The following ATL1 variants were observed in gnomAD, a reference collection of about 807,000 sequenced individuals.
ATL1 encodes atlastin GTPase 1.
In ATL1, 31 loss-of-function variants were observed where a neutral mutation model predicts 75.5. The ratio of observed to expected loss-of-function variants is 0.41; its 90% CI spans 0.31 to 0.55. ATL1 has a LOEUF of 0.55. ATL1 is among the 20% of genes least tolerant of loss of function. The pLI is 0.27. For synonymous variants in ATL1, 226 were observed against 233.3 expected, an observed-to-expected ratio of 0.97 and a Z score of 0.28; for missense variants, 405 against 662.6, an observed-to-expected ratio of 0.61 and a Z score of 4.27.
chr14:50,606,098 A>G (rs1250398719), intron 6 of ATL1, among the ~76,000 whole-genome samples: 1 of 152,000 alleles, frequency 6.6e-6, no homozygotes, highest in East Asian at 1.9e-4. Flanking sequence ...AAATGCAAGG[A>G]GGGCAGGTTT....
chr14:50,584,724 T>C (rs991176821), intron 1 of ATL1, among the ~76,000 whole-genome samples: 1 of 150,230 alleles, frequency 6.7e-6, no homozygotes, highest in Non-Finnish European at 1.5e-5. Context: ...AATAAATAAA[T>C]AAATAAAAAA....
chr14:50,587,833 G>C lies in ATL1; in HGVS notation c.37G>C (p.Gly13Arg). 6.2e-7 allele frequency: 1 copy of C among 1,614,150 alleles called. No individual in the cohort carries two copies. The highest frequency in any genetic ancestry group is 1.3e-5 in the African/African-American group (1 of 75,034). Reference sequence around the variant, plus strand: ...CCAGTCACTGCTCTGTTCAACAGGTGGATTTTCGGAAAAGACATATGAATG... The same window carrying C: ...CCAGTCACTGCTCTGTTCAACAGGTCGATTTTCGGAAAAGACATATGAATG... ...KNRRDRNSWG[G>R]FSEKTYEWSS... The change falls in exon 2 of 14, where the codon GGA (glycine) becomes CGA (arginine). Residue 13 changes from glycine (G) to arginine (R), a missense_variant and splice_region_variant. Physicochemically the swap from Gly to Arg is moderately radical, Grantham distance 125. Transcript: ENST00000358385.
chr14:50,550,552 C>T (rs1364461248), intron 1 of ATL1, among the ~76,000 whole-genome samples: 2 of 152,206 alleles, frequency 1.3e-5, no homozygotes, highest in African/African-American at 2.4e-5. Context: ...ACTGGTTCAA[C>T]AGCACCAATA....
In ATL1 at chr14:50,632,518, C is replaced by A. The variant is rs1218503809; in HGVS notation, c.*179C>A. ...TGTTTAATAAGCAGATGTATGTATG[C>A]ATGGTTATACTATTTTGTTAACATG... On this transcript the variant is annotated 3_prime_UTR_variant, in exon 14 of 14. Transcript: ENST00000358385. 1 of 509,460 alleles carries A rather than the reference C, an allele frequency of 2.0e-6. No individual in the cohort carries two copies. Among genetic ancestry groups the A allele is most frequent in the East Asian group, 3.7e-5 (1 of 27,208 alleles). 31.6% of individuals were successfully genotyped at this position (509,460 alleles called of 1,614,324 possible).
intron 13 of ATL1, chr14:50,630,828 T>C: frequency 1.1e-5 from 4 of 358,462 alleles, no homozygotes; most frequent in South Asian, 8.5e-5. Context: ...GCTTTGTAAA[T>C]CAAAGCTTAA....
At position 50,628,257 on chromosome 14, in the gene ATL1, C is replaced by T. The variant is rs1402672430; in HGVS notation, c.1346C>T (p.Ala449Val). The T allele has an allele frequency of 6.2e-7, 1 of 1,614,158 alleles. No individual in the cohort carries two copies. The highest frequency in any genetic ancestry group is 8.5e-7 in the Non-Finnish European group (1 of 1,180,028). Residue 449 changes from alanine to valine, a missense_variant, in exon 12 of 14, where the codon GCC becomes GTC. By Grantham distance (64) the Ala-to-Val change is moderately conservative. Coordinates refer to ENST00000358385, the MANE Select transcript of ATL1 (RefSeq NM_015915.5). ...KNIFHAARTPATLFVVIFITY... is the reference protein window; with the variant it reads ...KNIFHAARTPVTLFVVIFITY... ...ATCTTCCATGCAGCTCGTACCCCAG[C>T]CACACTGTTTGTAGTCATCTTTATC...
At chr14:50,565,214 TG>T (rs1355144609) in intron 1 of ATL1, among the ~76,000 whole-genome samples, 1 of 151,916 alleles carries the variant, frequency 6.6e-6, no homozygotes, top group Non-Finnish European at 1.5e-5. Flanking sequence ...GGTGTGAACC[TG>T]GGAGGCAGAG....
chr14:50,574,370 C>T lies in ATL1; in HGVS notation c.35-13461C>T, dbSNP rs184246648. 1.9e-3 allele frequency among the ~76,000 whole-genome samples: 293 copies of T among 152,298 alleles called. 4 individuals are homozygous for T. The highest frequency in any genetic ancestry group is 0.011 in the Admixed American group (166 of 15,298). ...CACTGGCAAAATCTAAACAAGAGCT[C>T]TCCCAAGAAAGGATTGCAAGAATTG... On this transcript the variant is annotated intron_variant, in intron 1 of 13. Transcript: ENST00000358385.
chr14:50,601,080 C>T (rs1049529836), intron 6 of ATL1, among the ~76,000 whole-genome samples: 8 of 152,074 alleles, frequency 5.3e-5, no homozygotes, highest in African/African-American at 1.9e-4. Flanking sequence ...TGCACTCCAG[C>T]CTGGGCAACA....
intron 1 of ATL1, among the ~76,000 whole-genome samples, chr14:50,563,980 G>C (rs763689705): frequency 2.0e-4 from 30 of 152,130 alleles, no homozygotes; most frequent in Non-Finnish European, 3.7e-4. Flanking sequence ...TTCAAATTCA[G>C]AGTTGTTTGC....
At chr14:50,586,944 T>C (rs2039107860) in intron 1 of ATL1, among the ~76,000 whole-genome samples, 1 of 152,228 alleles carries the variant, frequency 6.6e-6, no homozygotes, top group Admixed American at 6.5e-5. Context: ...ATGAGAAAGA[T>C]ATAGAAATCC....
chr14:50,587,113 A>G (rs1435814012), intron 1 of ATL1, among the ~76,000 whole-genome samples: 1 of 152,118 alleles, frequency 6.6e-6, no homozygotes, highest in Non-Finnish European at 1.5e-5. Flanking sequence ...TTCTTCCTAT[A>G]TATGTTCAGC....
intron 1 of ATL1, among the ~76,000 whole-genome samples, chr14:50,565,587 TTCCCTGCATC>T (rs2038896359): frequency 6.6e-6 from 1 of 152,214 alleles, no homozygotes; most frequent in Non-Finnish European, 1.5e-5. Flanking sequence ...TTAAGTTGCC[TTCCCTGCATC>T]TTTTCAAATG....
upstream of ATL1, among the ~76,000 whole-genome samples, chr14:50,557,777 T>C (rs2038782105): frequency 6.6e-6 from 1 of 152,224 alleles, no homozygotes; most frequent in East Asian, 1.9e-4. Flanking sequence ...CACCCAGCAA[T>C]GAGCACAACT....
chr14:50,557,153 A>G (rs2038774531), upstream of ATL1, among the ~76,000 whole-genome samples: 1 of 152,170 alleles, frequency 6.6e-6, no homozygotes, highest in Admixed American at 6.5e-5. Flanking sequence ...AACACTTGTT[A>G]TTATCTTTTT....
At chr14:50,566,260 A>C (rs1180946340) in intron 1 of ATL1, among the ~76,000 whole-genome samples, 3 of 151,896 alleles carry the variant, frequency 2.0e-5, no homozygotes, top group Non-Finnish European at 4.4e-5. Flanking sequence ...AGCCCCCCAA[A>C]GTGCTGGGAT....
chr14:50,632,141 T>G (rs2039587627), intron 13 of ATL1, 88 bp from the exon 14 acceptor site: 1 of 772,652 alleles, frequency 1.3e-6, no homozygotes, highest in Non-Finnish European at 2.1e-6. Context: ...CATGCTAAAT[T>G]TTATACAGTA....
chr14:50,593,861 C>A lies in ATL1; in HGVS notation c.538C>A (p.Gln180Lys). ...CTTTATCAAGGTATATAACTTATCCCAAAATGTCCAGGAGGATGATCTTCA... is the reference window on the plus strand; with the variant it reads ...CTTTATCAAGGTATATAACTTATCCAAAAATGTCCAGGAGGATGATCTTCA... Reference protein sequence around the residue: ...ISSIQVYNLSQNVQEDDLQHL... With the variant: ...ISSIQVYNLSKNVQEDDLQHL... The change falls in exon 5 of 14, where the codon CAA becomes AAA. Residue 180 changes from glutamine (Q) to lysine (K), a missense_variant. Coordinates refer to ENST00000358385, the MANE Select transcript of ATL1 (RefSeq NM_015915.5). 6.2e-7 allele frequency: 1 copy of A among 1,605,760 alleles called. No homozygotes were observed. The highest frequency in any genetic ancestry group is 1.1e-5 in the South Asian group (1 of 90,904).
intron 6 of ATL1, among the ~76,000 whole-genome samples, chr14:50,596,072 G>C (rs534814322): frequency 3.3e-4 from 50 of 152,262 alleles, no homozygotes; most frequent in Non-Finnish European, 4.7e-4. Context: ...CACATACTAA[G>C]TGAAGGAAAA....
Sources: gnomAD v4.1 joint callset for allele counts (sites outside exome capture counted in the v4.1 genomes callset) on GRCh38, gnomAD v4.1.1 for gene constraint, MANE v1.5 for transcripts, NCBI Gene and HGNC (gene_info 2026-07-23, HGNC 2026-07-21) for gene names.